Variants in DAPK1 observed in about 807,000 individuals in gnomAD.
DAPK1 encodes death-associated protein kinase 1.
In DAPK1, 56 loss-of-function variants were observed where a neutral mutation model predicts 144.9. The observed-to-expected ratio is 0.39, with a 90% confidence interval of 0.31 to 0.48. The LOEUF (loss-of-function observed/expected upper bound fraction) is 0.48. DAPK1 is among the 20% of genes least tolerant of loss of function. The pLI is 0.95. For synonymous variants in DAPK1, 690 were observed against 749.0 expected, an observed-to-expected ratio of 0.92 and a Z score of 1.29; for missense variants, 1,454 against 1,875.4, an observed-to-expected ratio of 0.78 and a Z score of 4.15.
intron 3 of DAPK1, among the ~76,000 whole-genome samples, chr9:87,610,155 G>A (rs1828874287): frequency 6.6e-6 from 1 of 152,214 alleles, no homozygotes; most frequent in Admixed American, 6.5e-5. Flanking sequence ...AAAGGCATAT[G>A]TTTTTCCCCT....
At chr9:87,699,777 A>G (rs960606920) in intron 23 of DAPK1, among the ~76,000 whole-genome samples, 2 of 152,150 alleles carry the variant, frequency 1.3e-5, no homozygotes, top group African/African-American at 2.4e-5. Context: ...TCCACTTTCC[A>G]CAGTATCTCT....
intron 2 of DAPK1, among the ~76,000 whole-genome samples, chr9:87,572,239 C>T (rs890386163): frequency 6.6e-6 from 1 of 152,190 alleles, no homozygotes; most frequent in African/African-American, 2.4e-5. Context: ...ACTTTCAATC[C>T]TCATAGTAAG....
chr9:87,605,360 ACT>A (rs1828678856), intron 3 of DAPK1, among the ~76,000 whole-genome samples, 185 bp downstream of exon 3: 1 of 151,962 alleles, frequency 6.6e-6, no homozygotes, highest in African/African-American at 2.4e-5. Flanking sequence ...TCTAGAACAA[ACT>A]CTAAAGAGCA....
At chr9:87,692,215 T>A (rs1359842089) in intron 21 of DAPK1, among the ~76,000 whole-genome samples, 4 of 149,538 alleles carry the variant, frequency 2.7e-5, no homozygotes, top group Non-Finnish European at 4.4e-5. Flanking sequence ...GCTGAATTGA[T>A]CCCTTTTGCA....
chr9:87,640,253 A>G, intron 7 of DAPK1, 45 bp from the exon 8 acceptor site: 1 of 1,577,484 alleles, frequency 6.3e-7, no homozygotes, highest in South Asian at 1.2e-5. Flanking sequence ...TGACAACACC[A>G]AGGGGTCATC....
In DAPK1 at chr9:87,642,077, G is replaced by C; in HGVS notation, c.918+19G>C. Reference sequence around the variant, plus strand: ...ATGGAAAGTAAGATTGTTTGTTGTGGAGGGATTAACAAATTCTGTTTCCTG... The same window carrying C: ...ATGGAAAGTAAGATTGTTTGTTGTGCAGGGATTAACAAATTCTGTTTCCTG... On this transcript the variant is annotated intron_variant, in intron 10 of 25. Coordinates refer to ENST00000408954, the MANE Select transcript of DAPK1 (RefSeq NM_004938.4). The C allele has an allele frequency of 6.2e-7, 1 of 1,605,180 alleles. No individual in the cohort carries two copies. Among genetic ancestry groups the C allele is most frequent in the Non-Finnish European group, 8.5e-7 (1 of 1,172,114 alleles).
Position 87,512,833 on chromosome 9 carries a change from GTT to G in DAPK1, c.62+13696_62+13697del, listed in dbSNP as rs1824901611. On this transcript the variant is annotated intron_variant, in intron 2 of 25. Transcript: ENST00000408954. The stretch of plus-strand genomic sequence containing the variant: ...TTTTTGTATTTTTAGTAGACACAGG[GTT>G]TCACCATGTTGACCAGGCTGGTCTC... Among the ~76,000 whole-genome samples, 5 of 152,254 alleles carry G rather than the reference GTT, an allele frequency of 3.3e-5. No homozygotes were observed. The South Asian group carries it at 1.0e-3, about 32-fold the overall frequency.
At chr9:87,539,559 G>A (rs1164676865) in intron 2 of DAPK1, among the ~76,000 whole-genome samples, 2 of 101,152 alleles carry the variant, frequency 2.0e-5, no homozygotes, top group Admixed American at 1.0e-4. Context: ...CTGGGATTAC[G>A]GGTGCCTGCC....
intron 5 of DAPK1, 57 bp from the exon 6 acceptor site, chr9:87,639,593 G>C (rs1323085324): frequency 3.7e-6 from 6 of 1,612,100 alleles, no homozygotes; most frequent in Non-Finnish European, 5.1e-6. Context: ...GTTGCATGAA[G>C]ATAGAATCGG....
chr9:87,564,845 G>A (rs1827059553), intron 2 of DAPK1, among the ~76,000 whole-genome samples: 1 of 152,032 alleles, frequency 6.6e-6, no homozygotes, highest in Non-Finnish European at 1.5e-5. Context: ...TCAACTTGGG[G>A]AACACATTCA....
At chr9:87,657,435 G>C (rs1405005455) in intron 17 of DAPK1, 1 of 155,110 alleles carries the variant, frequency 6.4e-6, no homozygotes, top group East Asian at 1.9e-4. Context: ...TGAGAGACAT[G>C]ATGTCATGGA....
intron 3 of DAPK1, chr9:87,632,819 A>T (rs1354867408): frequency 2.4e-5 from 23 of 978,560 alleles, no homozygotes; most frequent in Non-Finnish European, 2.8e-5. Flanking sequence ...AAGGAGGTTG[A>T]GTACATATGT....
rs1048016717 is a variant in DAPK1 at position 87,686,385 on chromosome 9, A to C, written c.2225-166A>C. ...GGAAAAGCCCACAGCCTTGCTGGGAACACTGCTGCCCTGCACGTGTGAGGG... is the reference window on the plus strand; with the variant it reads ...GGAAAAGCCCACAGCCTTGCTGGGACCACTGCTGCCCTGCACGTGTGAGGG... On this transcript the variant is annotated intron_variant, in intron 20 of 25. Coordinates refer to ENST00000408954, the MANE Select transcript of DAPK1 (RefSeq NM_004938.4). This position sits in a 1 kb window ranked among gnomAD's most constrained non-coding sequence, Gnocchi z 4.2. Among the ~76,000 whole-genome samples, 1 of 152,180 alleles carries C rather than the reference A, an allele frequency of 6.6e-6. No homozygotes were observed.
At chr9:87,646,433 T>C (rs1444771228) in intron 12 of DAPK1, 28 bp from the exon 13 acceptor site, 1 of 1,544,928 alleles carries the variant, frequency 6.5e-7, no homozygotes, top group Non-Finnish European at 8.9e-7. Context: ...AACCTGAAAA[T>C]TAGTAATTTT....
At position 87,647,199 on chromosome 9, in the gene DAPK1, G is replaced by A. The variant is rs769306835; in HGVS notation, c.1231-106G>A. 4.5e-6 allele frequency: 4 copies of A among 888,266 alleles called. No homozygotes were observed. The Admixed American group carries it at 5.3e-5, about 12-fold the overall frequency. 55.0% of individuals were successfully genotyped at this position (888,266 alleles called of 1,614,324 possible). ...ATTCCTCTGGGAAGTTGCTCCTCTG[G>A]GGTTTGTCATCACACAGGAAGGGAA... On this transcript the variant is annotated intron_variant, in intron 13 of 25. Coordinates refer to ENST00000408954, the MANE Select transcript of DAPK1 (RefSeq NM_004938.4).
At chr9:87,515,460 G>C (rs1032151934) in intron 2 of DAPK1, among the ~76,000 whole-genome samples, 1 of 152,126 alleles carries the variant, frequency 6.6e-6, no homozygotes, top group East Asian at 1.9e-4. Context: ...AGCCTCTCTG[G>C]CTCTGAAGCC....
At chr9:87,625,703 C>T (rs917804022) in intron 3 of DAPK1, among the ~76,000 whole-genome samples, 7 of 152,174 alleles carry the variant, frequency 4.6e-5, no homozygotes, top group African/African-American at 1.7e-4. Flanking sequence ...TGCCCAGGGC[C>T]ACACAGCTGC....
At chr9:87,625,413 TA>T (rs1829458025) in intron 3 of DAPK1, among the ~76,000 whole-genome samples, 6 of 152,204 alleles carry the variant, frequency 3.9e-5, no homozygotes, top group African/African-American at 1.2e-4. Context: ...GTATAAATGC[TA>T]CCACATGGCC....
At chr9:87,653,539 G>A (rs1830532364) in intron 17 of DAPK1, among the ~76,000 whole-genome samples, 1 of 152,142 alleles carries the variant, frequency 6.6e-6, no homozygotes, top group African/African-American at 2.4e-5. Context: ...ATGCATGTGA[G>A]CATGAGGCTC....
Sources: gnomAD v4.1 joint callset for allele counts (sites outside exome capture counted in the v4.1 genomes callset) on GRCh38, gnomAD v4.1.1 for gene constraint, Gnocchi (gnomAD v3.1) non-coding constraint, MANE v1.5 for transcripts, NCBI Gene and HGNC (gene_info 2026-07-23, HGNC 2026-07-21) for gene names.